Variants in CNTN5 observed in about 807,000 individuals in gnomAD.
CNTN5 encodes the protein contactin-5.
A neutral mutation model predicts 129.1 loss-of-function variants in CNTN5; 77 were observed. The observed-to-expected ratio is 0.60, with a 90% CI of 0.50 to 0.72. The LOEUF (loss-of-function observed/expected upper bound fraction) is 0.72, where lower values mean the gene tolerates loss of function less well. Ranked by LOEUF, CNTN5 falls within the 30% of genes least tolerant of loss-of-function variation. CNTN5 has a pLI of 0.00. For missense variants in CNTN5, 1,478 were observed against 1,328.8 expected, an observed-to-expected ratio of 1.11 and a Z score of -1.75; for synonymous variants, 509 against 465.6, an observed-to-expected ratio of 1.09 and a Z score of -1.20.
chr11:99,452,626 G>A (rs1944349877), intron 2 of CNTN5, among the ~76,000 whole-genome samples: 1 of 151,954 alleles, frequency 6.6e-6, no homozygotes, highest in South Asian at 2.1e-4. Context: ...CCCGCCCTTG[G>A]CCTCCCAAAG....
chr11:99,775,838 A>T (rs558116670), intron 3 of CNTN5, among the ~76,000 whole-genome samples: 1 of 152,056 alleles, frequency 6.6e-6, no homozygotes, highest in East Asian at 1.9e-4. Context: ...GTTCCCATTT[A>T]AAAAAATTAT....
chr11:99,753,337 T>A, intron 3 of CNTN5, among the ~76,000 whole-genome samples: 1 of 151,462 alleles, frequency 6.6e-6, no homozygotes, highest in East Asian at 2.0e-4. Context: ...TTAGCCAGGA[T>A]GGTCTCGATC....
At chr11:99,586,768 T>G (rs1342770621) in intron 3 of CNTN5, among the ~76,000 whole-genome samples, 1 of 152,184 alleles carries the variant, frequency 6.6e-6, no homozygotes, top group African/African-American at 2.4e-5. Flanking sequence ...TATCCATATT[T>G]TGACTGACTT....
intron 3 of CNTN5, among the ~76,000 whole-genome samples, chr11:99,556,554 AATATATATATATATATATATATATATAT>A (rs199758207): frequency 9.7e-5 from 7 of 72,332 alleles, no homozygotes; most frequent in Non-Finnish European, 2.0e-4. Context: ...AAGGCTTGGA[AATATATATATATATATATATATATATAT>A]ATATATATAT....
intron 1 of CNTN5, among the ~76,000 whole-genome samples, chr11:99,214,197 G>A (rs1179398939): frequency 6.6e-6 from 1 of 151,922 alleles, no homozygotes; most frequent in East Asian, 1.9e-4. Context: ...GAAGTCAGAT[G>A]AAGAAGGGGA....
chr11:99,619,355 A>G (rs993949375), intron 3 of CNTN5, among the ~76,000 whole-genome samples: 1 of 152,080 alleles, frequency 6.6e-6, no homozygotes, highest in Non-Finnish European at 1.5e-5. Context: ...TGAGCAACTA[A>G]TTAAACATAA....
chr11:99,623,668 C>T (rs1951029370), intron 3 of CNTN5, among the ~76,000 whole-genome samples: 1 of 144,754 alleles, frequency 6.9e-6, no homozygotes, highest in African/African-American at 2.5e-5. Flanking sequence ...AGGCATAGTT[C>T]CATAAAAGAA....
At chr11:99,764,692 T>C (rs1019678245) in intron 3 of CNTN5, among the ~76,000 whole-genome samples, 2 of 152,088 alleles carry the variant, frequency 1.3e-5, no homozygotes, top group Non-Finnish European at 2.9e-5. Context: ...ATGAAATCAA[T>C]TTTTAAAAAC....
chr11:99,233,184 T>G (rs1186527875), intron 1 of CNTN5, among the ~76,000 whole-genome samples: 1 of 152,208 alleles, frequency 6.6e-6, no homozygotes, highest in Non-Finnish European at 1.5e-5. Context: ...TTGTCACAGC[T>G]GAATTGAATT....
At chr11:99,467,826 A>C (rs1227571290) in intron 2 of CNTN5, among the ~76,000 whole-genome samples, 3 of 152,068 alleles carry the variant, frequency 2.0e-5, no homozygotes, top group African/African-American at 7.2e-5. Flanking sequence ...TAACTATATT[A>C]ATGTGCTTAT....
chr11:99,169,809 T>C (rs1003282799), intron 1 of CNTN5, among the ~76,000 whole-genome samples: 10 of 152,262 alleles, frequency 6.6e-5, no homozygotes, highest in African/African-American at 2.2e-4. Flanking sequence ...ACCTCAGAGA[T>C]AACATAATGT....
At chr11:99,922,026 A>G (rs947349037) in intron 7 of CNTN5, among the ~76,000 whole-genome samples, 1 of 152,198 alleles carries the variant, frequency 6.6e-6, no homozygotes, top group Non-Finnish European at 1.5e-5. Context: ...AACAGAATAT[A>G]TTAGTCCATT....
intron 13 of CNTN5, among the ~76,000 whole-genome samples, chr11:100,120,774 GAGAA>G (rs1369220209): frequency 6.6e-6 from 1 of 151,696 alleles, no homozygotes; most frequent in African/African-American, 2.4e-5. Flanking sequence ...GATAGTAAGG[GAGAA>G]AGAAAGGTAT....
At chr11:99,805,663 G>A (rs949237015) in intron 3 of CNTN5, among the ~76,000 whole-genome samples, 3 of 152,076 alleles carry the variant, frequency 2.0e-5, no homozygotes, top group African/African-American at 4.8e-5. Context: ...TAAACATTAC[G>A]GGAAAGAATG....
At chr11:100,179,855 A>G (rs942530445) in intron 13 of CNTN5, among the ~76,000 whole-genome samples, 1 of 152,114 alleles carries the variant, frequency 6.6e-6, no homozygotes, top group East Asian at 1.9e-4. Context: ...TTTTGAACTC[A>G]TTTAAGAAGT....
intron 1 of CNTN5, among the ~76,000 whole-genome samples, chr11:99,211,742 C>A (rs989282018): frequency 2.0e-5 from 3 of 151,778 alleles, no homozygotes; most frequent in African/African-American, 7.3e-5. Flanking sequence ...AGCTTGAATT[C>A]TTTAAGTATC....
chr11:99,650,251 AC>A (rs1385428302), intron 3 of CNTN5, among the ~76,000 whole-genome samples: 2 of 151,930 alleles, frequency 1.3e-5, no homozygotes, highest in African/African-American at 4.8e-5. Context: ...CAAGTAGGCT[AC>A]TCATGTTCGG....
At chr11:99,660,762 T>C (rs1272748492) in intron 3 of CNTN5, among the ~76,000 whole-genome samples, 2 of 152,112 alleles carry the variant, frequency 1.3e-5, no homozygotes, top group Non-Finnish European at 2.9e-5. Flanking sequence ...TGCAGCCGCC[T>C]CAGTAGTAGT....
intron 3 of CNTN5, among the ~76,000 whole-genome samples, chr11:99,572,813 A>G (rs1305477820): frequency 6.6e-6 from 1 of 152,130 alleles, no homozygotes; most frequent in Non-Finnish European, 1.5e-5. Flanking sequence ...GATTGTGGGT[A>G]GAAGAATTGA....
Sources: allele counts gnomAD v4.1 joint callset (sites outside exome capture counted in the v4.1 genomes callset), GRCh38; gene constraint gnomAD v4.1.1; transcripts MANE v1.5; gene names NCBI Gene and HGNC (gene_info 2026-07-23, HGNC 2026-07-21).